PAXIP1: variants seen among roughly 807,000 people sequenced by gnomAD.
PAXIP1 encodes PAX-interacting protein 1.
In PAXIP1, 19 loss-of-function variants were observed where a neutral mutation model predicts 140.6. The observed-to-expected ratio is 0.14, with a 90% CI of 0.09 to 0.20. The LOEUF (loss-of-function observed/expected upper bound fraction) is 0.20. PAXIP1 is among the 10% of genes least tolerant of loss of function. The probability of loss-of-function intolerance (pLI) is 1.00; values close to 1 mark genes in which losing one functional copy is unlikely to be tolerated. For missense variants in PAXIP1, 920 were observed against 1,208.6 expected, an observed-to-expected ratio of 0.76 and a Z score of 3.54; for synonymous variants, 442 against 444.6, an observed-to-expected ratio of 0.99 and a Z score of 0.07.
At chr7:154,949,852 A>T (rs1808193084) in intron 16 of PAXIP1, 1 of 152,266 alleles carries the variant, frequency 6.6e-6, no homozygotes, top group Admixed American at 6.5e-5. Context: ...GGTTGTAGTA[A>T]GCCAATGGCA....
At chr7:154,944,791 T>G (rs1807854126) in intron 20 of PAXIP1, 1 of 152,124 alleles carries the variant, frequency 6.6e-6, no homozygotes, top group Non-Finnish European at 1.5e-5. Context: ...TCTGTAAAAA[T>G]TTAACAGGCC....
chr7:154,951,507 C>T (rs1450469368), intron 16 of PAXIP1: 1 of 152,080 alleles, frequency 6.6e-6, no homozygotes, highest in Non-Finnish European at 1.5e-5. Flanking sequence ...TAATTATAAA[C>T]TGGAAAAATT....
Position 154,961,068 on chromosome 7 carries a change from A to G in PAXIP1, c.2259T>C (p.Gly753=). The change falls in exon 12 of 21, where the codon GGT becomes GGC. Residue 753 remains glycine, a synonymous_variant. Transcript: ENST00000404141. ...NTVLICKEPT[G]LKYEKAKEWR... is the part of the protein sequence containing the mutation. Reference sequence around the variant, plus strand: ...ACTCTTTGGCTTTTTCATACTTTAAACCAGTTGGTCTTTTTATTTTTTGAG... The same window carrying G: ...ACTCTTTGGCTTTTTCATACTTTAAGCCAGTTGGTCTTTTTATTTTTTGAG... 6.4e-7 allele frequency: 1 copy of G among 1,565,898 alleles called. No individual in the cohort carries two copies. Among genetic ancestry groups the G allele is most frequent in the African/African-American group, 1.4e-5 (1 of 73,340 alleles).
At chr7:154,983,160 G>A (rs1563382968) in intron 5 of PAXIP1, 59 bp downstream of exon 5, 1 of 789,272 alleles carries the variant, frequency 1.3e-6, no homozygotes, top group Non-Finnish European at 2.0e-6. Flanking sequence ...AAAAAGACAT[G>A]TGATTACTAG....
At chr7:154,964,974 T>C (rs908890357) in intron 8 of PAXIP1, 4 of 152,242 alleles carry the variant, frequency 2.6e-5, no homozygotes, top group Non-Finnish European at 5.9e-5. Context: ...GGTGGTTCTA[T>C]AATATGTCTG....
chr7:154,963,863 T>C lies in PAXIP1; in HGVS notation c.1894-97A>G. On this transcript the variant is annotated intron_variant, in intron 8 of 20. Coordinates refer to ENST00000404141, the MANE Select transcript of PAXIP1 (RefSeq NM_007349.4). This position sits in a 1 kb window ranked among gnomAD's most constrained non-coding sequence, Gnocchi z 4.1. ...GCAGCTATTAAAAGACTCTATCATA[T>C]ATTTATATCATGTATTTCCTCAAAG... The C allele has an allele frequency of 1.3e-6, 1 of 777,750 alleles. No homozygotes were observed. Among genetic ancestry groups the C allele is most frequent in the South Asian group, 1.5e-5 (1 of 66,514 alleles). The allele number at this position is 777,750 out of a possible 1,614,324, so 48.2% of individuals were successfully genotyped here. A position where few individuals can be genotyped will look rare whatever the true frequency, so the allele number is the denominator to read the frequency against.
intron 4 of PAXIP1, chr7:154,985,931 T>C (rs1488740734): frequency 1.9e-6 from 2 of 1,056,962 alleles, no homozygotes; most frequent in Non-Finnish European, 2.6e-6. Context: ...AGATACAGAA[T>C]GGAAAGGACT....
At chr7:154,989,022 T>C (rs1810202205) in intron 4 of PAXIP1, among the ~76,000 whole-genome samples, 1 of 152,212 alleles carries the variant, frequency 6.6e-6, no homozygotes, top group Non-Finnish European at 1.5e-5. Flanking sequence ...CATGTAAATA[T>C]ACACTTATAA....
chr7:154,995,486 A>G (rs1457693638), intron 2 of PAXIP1, among the ~76,000 whole-genome samples: 20 of 152,238 alleles, frequency 1.3e-4, no homozygotes, highest in Non-Finnish European at 1.5e-5. Flanking sequence ...CCACAGTACA[A>G]AGCAGAAATG....
At chr7:154,948,885 C>G (rs1808132411) in intron 16 of PAXIP1, 1 of 151,946 alleles carries the variant, frequency 6.6e-6, no homozygotes, top group Admixed American at 6.6e-5. Flanking sequence ...AACACACATT[C>G]AAGTATATAA....
intron 14 of PAXIP1, among the ~76,000 whole-genome samples, chr7:154,955,833 T>C (rs1808483299): frequency 6.6e-6 from 1 of 152,222 alleles, no homozygotes; most frequent in Non-Finnish European, 1.5e-5. Flanking sequence ...AAAGACTACC[T>C]TTGAAGCCTC....
At chr7:154,947,876 C>T (rs369066659) in intron 17 of PAXIP1, 27 bp downstream of exon 17, 4 of 1,487,738 alleles carry the variant, frequency 2.7e-6, no homozygotes, top group Admixed American at 3.3e-5. Flanking sequence ...CTTACTTGGA[C>T]TGATTTACTT....
intron 10 of PAXIP1, among the ~76,000 whole-genome samples, 177 bp downstream of exon 10, chr7:154,962,144 A>G (rs2293261): frequency 0.56 from 84,498 of 152,136 alleles, 23,922 homozygotes; most frequent in Admixed American, 0.65. Context: ...ACTGTTACAC[A>G]GAACTAAAAG....
rs981863389 is a variant in PAXIP1 at position 154,973,287 on chromosome 7, C to T, written c.1074+2409G>A. Among the ~76,000 whole-genome samples, 5 of 152,078 alleles carry T rather than the reference C, an allele frequency of 3.3e-5. No homozygotes were observed. The highest frequency in any genetic ancestry group is 2.1e-4 in the South Asian group (1 of 4,816). Reference sequence around the variant, plus strand: ...CGGGACCCAACAAGGTGACATGGAGCGGTGGGCACTGAAGCAGGCCCAAGA... The same window carrying T: ...CGGGACCCAACAAGGTGACATGGAGTGGTGGGCACTGAAGCAGGCCCAAGA... On this transcript the variant is annotated intron_variant, in intron 6 of 20. Coordinates refer to ENST00000404141, the MANE Select transcript of PAXIP1 (RefSeq NM_007349.4). This position sits in a 1 kb window ranked among gnomAD's most constrained non-coding sequence, Gnocchi z 4.0.
chr7:154,965,455 G>C (rs961816040), intron 8 of PAXIP1: 3 of 152,204 alleles, frequency 2.0e-5, no homozygotes, highest in Non-Finnish European at 4.4e-5. Context: ...AATGAATGTA[G>C]TATCACCTAT....
chr7:154,945,497 A>G (rs1807918481), intron 20 of PAXIP1: 1 of 984,996 alleles, frequency 1.0e-6, no homozygotes, highest in Admixed American at 6.1e-5. Flanking sequence ...GATGGGTATC[A>G]TTCTGACCTC....
Position 154,946,918 on chromosome 7 carries a change from AT to A in PAXIP1, c.2923-106del. On this transcript the variant is annotated intron_variant, in intron 17 of 20. Coordinates refer to ENST00000404141, the MANE Select transcript of PAXIP1 (RefSeq NM_007349.4). This position sits in a 1 kb window ranked among gnomAD's most constrained non-coding sequence, Gnocchi z 4.9. ...CCTGAGATTTTTGACAAAATTTCAA[AT>A]TTTATGACATTATGAAGGTACTATT... 1.3e-6 allele frequency: 1 copy of A among 798,560 alleles called. No homozygotes were observed. The highest frequency in any genetic ancestry group is 2.0e-6 in the Non-Finnish European group (1 of 511,092). 49.5% of individuals were successfully genotyped at this position (798,560 alleles called of 1,614,324 possible). A position where few individuals can be genotyped will look rare whatever the true frequency, so the allele number is the denominator to read the frequency against.
chr7:154,967,035 C>G (rs915369367), intron 8 of PAXIP1, among the ~76,000 whole-genome samples: 1 of 152,218 alleles, frequency 6.6e-6, no homozygotes, highest in Non-Finnish European at 1.5e-5. Context: ...GCAGACTTTT[C>G]TTAACACATC....
At chr7:154,998,871 G>C (rs1180612092) in intron 1 of PAXIP1, 87 bp from the exon 2 acceptor site, 3 of 1,167,932 alleles carry the variant, frequency 2.6e-6, no homozygotes, top group Non-Finnish European at 3.6e-6. Context: ...GGGCATAATA[G>C]TACTTTTTAA....
Sources: gnomAD v4.1 joint callset for allele counts (sites outside exome capture counted in the v4.1 genomes callset) on GRCh38, gnomAD v4.1.1 for gene constraint, Gnocchi (gnomAD v3.1) non-coding constraint, MANE v1.5 for transcripts, NCBI Gene and HGNC (gene_info 2026-07-23, HGNC 2026-07-21) for gene names.